Variants in MLXIP observed in about 807,000 individuals in gnomAD.
MLXIP encodes the protein MLX interacting protein, also known as MLX-interacting protein.
In MLXIP, 30 loss-of-function variants were observed where a neutral mutation model predicts 87.2. That is an observed-to-expected ratio of 0.34 (90% CI 0.26 to 0.47). MLXIP has a LOEUF of 0.47. MLXIP is among the 20% of genes least tolerant of loss of function. The probability of loss-of-function intolerance (pLI) is 1.00; values close to 1 mark genes in which losing one functional copy is unlikely to be tolerated. For synonymous variants in MLXIP, 530 were observed against 514.0 expected (o/e 1.03, Z -0.42); for missense variants, 1,002 against 1,240.1 (o/e 0.81, Z 2.88).
chr12:122,141,539 T>A, intron 16 of MLXIP, 152 bp from the exon 17 acceptor site: 1 of 824,246 alleles, frequency 1.2e-6, no homozygotes, highest in Non-Finnish European at 1.5e-6. Flanking sequence ...CAGGTCTCGG[T>A]GTCGGCCCCT....
intron 15 of MLXIP, among the ~76,000 whole-genome samples, chr12:122,139,387 A>G (rs114665007): frequency 0.011 from 1,747 of 152,282 alleles, 31 homozygotes; most frequent in African/African-American, 0.04. Context: ...CTAATGGAGC[A>G]TGTCCACCTC....
Position 122,079,156 on chromosome 12 carries a change from G to T in MLXIP, c.303G>T (p.Thr101=). ...HPPKKGYDFD[T]VNKQTCQTYS... ...CCAAGAAGGGCTACGATTTCGACAC[G>T]GTCAACAAACAGACGTGCCAGACCT... The change falls in exon 1 of 17, where the codon ACG becomes ACT. Residue 101 remains threonine (T), a synonymous_variant. Coordinates refer to ENST00000319080, the MANE Select transcript of MLXIP (RefSeq NM_014938.6). 1 of 1,550,670 alleles carries T rather than the reference G, an allele frequency of 6.4e-7. No individual in the cohort carries two copies. Among genetic ancestry groups the T allele is most frequent in the Non-Finnish European group, 8.7e-7 (1 of 1,146,710 alleles).
intron 1 of MLXIP, among the ~76,000 whole-genome samples, chr12:122,118,741 A>G (rs1297550572): frequency 1.3e-5 from 2 of 151,850 alleles, no homozygotes; most frequent in Middle Eastern, 3.4e-3. Flanking sequence ...CCAGCTACTC[A>G]GGAGGCTTAG....
chr12:122,086,362 C>T (rs533886096), intron 1 of MLXIP, among the ~76,000 whole-genome samples: 4 of 152,278 alleles, frequency 2.6e-5, no homozygotes, highest in Non-Finnish European at 2.9e-5. Flanking sequence ...TGAGCTATGC[C>T]GTGGGTCCTC....
rs374999599 is a variant in MLXIP at position 122,137,495 on chromosome 12, G to C, written c.2059G>C (p.Ala687Pro). ...TCGGGACTGCCCAAACTCAGGGCAG[G>C]CCTCTCCGTGTGCATCGGAGCAGAG... ...PSRDCPNSGQASPCASEQSPS... is the reference protein window; with the variant it reads ...PSRDCPNSGQPSPCASEQSPS... The change falls in exon 12 of 17, where the codon GCC (alanine) becomes CCC (proline). Residue 687 changes from alanine to proline, a missense_variant. Ala to Pro is a conservative substitution (Grantham distance 27). Coordinates refer to ENST00000319080, the MANE Select transcript of MLXIP (RefSeq NM_014938.6). The surrounding 1 kb of genome is among the most constrained non-coding windows in gnomAD (Gnocchi z 4.1). 4.3e-6 allele frequency: 7 copies of C among 1,613,978 alleles called. No homozygotes were observed. The highest frequency in any genetic ancestry group is 1.3e-5 in the African/African-American group (1 of 75,054).
At chr12:122,126,355 T>G (rs1952881054) in intron 1 of MLXIP, among the ~76,000 whole-genome samples, 1 of 152,140 alleles carries the variant, frequency 6.6e-6, no homozygotes, top group Non-Finnish European at 1.5e-5. Flanking sequence ...AGAGCTCCCG[T>G]GAGACCGTCC....
At chr12:122,129,476 G>T (rs866266391) in intron 4 of MLXIP, 112 bp from the exon 5 acceptor site, 1 of 1,254,644 alleles carries the variant, frequency 8.0e-7, no homozygotes, top group Middle Eastern at 1.8e-4. Context: ...TCGGCCTGGG[G>T]ATGGTGTGAG....
At chr12:122,117,774 A>C (rs1249836145) in intron 1 of MLXIP, among the ~76,000 whole-genome samples, 1 of 152,192 alleles carries the variant, frequency 6.6e-6, no homozygotes, top group Non-Finnish European at 1.5e-5. Flanking sequence ...CCCTGTATAC[A>C]GTACATTTTT....
At chr12:122,085,003 G>A (rs944545357) in intron 1 of MLXIP, among the ~76,000 whole-genome samples, 7 of 152,232 alleles carry the variant, frequency 4.6e-5, no homozygotes, top group African/African-American at 1.7e-4. Flanking sequence ...ACTTGTCCAC[G>A]GAAAAGTGTC....
At chr12:122,081,789 C>T (rs1314888012) in intron 1 of MLXIP, among the ~76,000 whole-genome samples, 2 of 152,214 alleles carry the variant, frequency 1.3e-5, no homozygotes, top group South Asian at 4.1e-4. Flanking sequence ...GTCCTCCCCT[C>T]CTGCCCGAGC....
intron 1 of MLXIP, among the ~76,000 whole-genome samples, chr12:122,087,424 G>C (rs1952184671): frequency 6.6e-6 from 1 of 152,104 alleles, no homozygotes; most frequent in Admixed American, 6.5e-5. Context: ...CTTTAGGCTG[G>C]GTAGAGAAGT....
intron 8 of MLXIP, 100 bp downstream of exon 8, chr12:122,132,483 A>G (rs919404879): frequency 1.1e-6 from 1 of 919,322 alleles, no homozygotes; most frequent in Admixed American, 2.1e-5. Context: ...ATAGCCACAC[A>G]GTCACCAGCA....
chr12:122,129,694 C>T, intron 5 of MLXIP, 65 bp downstream of exon 5: 5 of 1,582,802 alleles, frequency 3.2e-6, no homozygotes, highest in Non-Finnish European at 4.3e-6. Flanking sequence ...CTTCGGTGGC[C>T]CACCAGGGAG....
chr12:122,083,812 A>G (rs190998169), intron 1 of MLXIP, among the ~76,000 whole-genome samples: 4 of 152,258 alleles, frequency 2.6e-5, no homozygotes, highest in African/African-American at 9.6e-5. Context: ...TTGAATTTTC[A>G]GTAGAGGTAC....
intron 1 of MLXIP, among the ~76,000 whole-genome samples, chr12:122,111,008 C>T (rs1384289485): frequency 1.4e-5 from 2 of 142,714 alleles, no homozygotes; most frequent in African/African-American, 5.3e-5. Flanking sequence ...ACCCAGGAGG[C>T]GGAGCTTGCA....
At chr12:122,107,858 G>T (rs113092332) in intron 1 of MLXIP, among the ~76,000 whole-genome samples, 1 of 152,144 alleles carries the variant, frequency 6.6e-6, no homozygotes, top group Admixed American at 6.5e-5. Context: ...TGGTGACAGG[G>T]TGGTGATAAA....
rs1190963066 is a variant in MLXIP, at chr12:122,142,293, G to A, written c.*481G>A. On this transcript the variant is annotated 3_prime_UTR_variant, in exon 17 of 17. Transcript: ENST00000319080. ...GGTCTGCCCGTGGGGCAGTTGGAAG[G>A]CGTCTTTCTTTCTCCCCTCAACTCT... 1.5e-6 allele frequency: 1 copy of A among 685,960 alleles called. No homozygotes were observed. The highest frequency in any genetic ancestry group is 2.7e-6 in the Non-Finnish European group (1 of 374,670). The allele number at this position is 685,960 out of a possible 1,614,324, so 42.5% of individuals were successfully genotyped here.
intron 1 of MLXIP, among the ~76,000 whole-genome samples, chr12:122,111,026 G>A (rs1032840398): frequency 3.5e-5 from 5 of 143,764 alleles, no homozygotes; most frequent in African/African-American, 1.3e-4. Context: ...GCAGTGAGCC[G>A]AGATGGCGCC....
intron 1 of MLXIP, among the ~76,000 whole-genome samples, chr12:122,116,727 T>C (rs2135951152): frequency 6.6e-6 from 1 of 152,342 alleles, no homozygotes; most frequent in Middle Eastern, 3.4e-3. Flanking sequence ...TGCCTCACCA[T>C]GCCCAGCATT....
Sources: allele counts gnomAD v4.1 joint callset (sites outside exome capture counted in the v4.1 genomes callset), GRCh38; gene constraint gnomAD v4.1.1; non-coding constraint Gnocchi (gnomAD v3.1); transcripts MANE v1.5; gene names NCBI Gene and HGNC (gene_info 2026-07-23, HGNC 2026-07-21).